Variants in NRXN1 observed in about 807,000 individuals in gnomAD.
The protein encoded by NRXN1 is neurexin 1.
NRXN1 carries 39 observed loss-of-function variants against 150.9 expected under a neutral mutation model. That is an observed-to-expected ratio of 0.26 (90% CI 0.20 to 0.34). The LOEUF is 0.34. Among genes scored for constraint, NRXN1 ranks in the 10% least tolerant of loss-of-function variants. NRXN1 has a pLI of 1.00. For missense variants in NRXN1, 1,815 were observed against 1,949.9 expected, an observed-to-expected ratio of 0.93 and a Z score of 1.30; for synonymous variants, 924 against 757.0, an observed-to-expected ratio of 1.22 and a Z score of -3.62.
At chr2:50,278,255 T>TATAATATA (rs1491158433) in intron 17 of NRXN1, among the ~76,000 whole-genome samples, 1 of 112,572 alleles carries the variant, frequency 8.9e-6, no homozygotes, top group Non-Finnish European at 1.7e-5. Flanking sequence ...TATATATATA[T>TATAATATA]TATATATATT....
chr2:50,538,135 A>G, intron 10 of NRXN1, 118 bp downstream of exon 10: 1 of 1,180,908 alleles, frequency 8.5e-7, no homozygotes. Flanking sequence ...TCAGCTTGCA[A>G]ACAGAGTTTA....
chr2:50,652,195 C>A (rs1685741622), intron 5 of NRXN1, among the ~76,000 whole-genome samples: 2 of 152,068 alleles, frequency 1.3e-5, no homozygotes, highest in African/African-American at 4.8e-5. Flanking sequence ...TACCTCCAGG[C>A]TTCTATATTC....
chr2:50,079,388 G>A (rs900114058), intron 19 of NRXN1, among the ~76,000 whole-genome samples: 3 of 152,000 alleles, frequency 2.0e-5, no homozygotes, highest in Middle Eastern at 3.4e-3. Flanking sequence ...AGCTATTGTT[G>A]CTTTTGAGCT....
At chr2:50,212,191 G>C (rs984100903) in intron 18 of NRXN1, among the ~76,000 whole-genome samples, 2 of 149,564 alleles carry the variant, frequency 1.3e-5, no homozygotes, top group Non-Finnish European at 3.0e-5. Context: ...TCTTTTTTCA[G>C]TTTTAAATTC....
intron 18 of NRXN1, among the ~76,000 whole-genome samples, chr2:50,181,044 T>C (rs572164317): frequency 6.6e-6 from 1 of 152,246 alleles, no homozygotes; most frequent in South Asian, 2.1e-4. Flanking sequence ...TATTTATAAT[T>C]ACAATAATTT....
chr2:50,080,558 G>T (rs1305220179), intron 19 of NRXN1, among the ~76,000 whole-genome samples: 1 of 152,068 alleles, frequency 6.6e-6, no homozygotes, highest in Non-Finnish European at 1.5e-5. Flanking sequence ...TTCACTGAGA[G>T]ACCTTTCCAA....
rs565873350 is a variant in NRXN1, at chr2:50,705,734, C to T, written c.833-82119G>A. 2.0e-5 allele frequency among the ~76,000 whole-genome samples: 3 copies of T among 152,252 alleles called. No homozygotes were observed. The South Asian group carries it at 6.2e-4, about 32-fold the overall frequency. ...ATTTCCTTCTAAGTACTTCCATCCA[C>T]ACAAGTGAAATGCTGTTGCTGCCCC... is the stretch of plus-strand genomic sequence containing the variant. On this transcript the variant is annotated intron_variant, in intron 5 of 22. Coordinates refer to ENST00000401669, the MANE Select transcript of NRXN1 (RefSeq NM_001330078.2).
chr2:49,941,746 A>G (rs13022108), intron 22 of NRXN1, among the ~76,000 whole-genome samples: 32,731 of 152,040 alleles, frequency 0.22, 3,764 homozygotes, highest in East Asian at 0.3. Context: ...ACACTAATTG[A>G]GAAAACAAAA....
At chr2:50,889,690 T>C (rs538768996) in intron 5 of NRXN1, among the ~76,000 whole-genome samples, 2 of 151,844 alleles carry the variant, frequency 1.3e-5, no homozygotes, top group African/African-American at 4.8e-5. Context: ...CATTTAAATA[T>C]AGAATAAGAC....
At chr2:50,700,873 A>G (rs1187423688) in intron 5 of NRXN1, among the ~76,000 whole-genome samples, 1 of 150,054 alleles carries the variant, frequency 6.7e-6, no homozygotes, top group Non-Finnish European at 1.5e-5. Context: ...TCACCGTGTT[A>G]GCCAGGATGG....
intron 2 of NRXN1, among the ~76,000 whole-genome samples, chr2:51,012,220 G>C (rs981321226): frequency 2.0e-5 from 3 of 151,858 alleles, no homozygotes; most frequent in African/African-American, 4.8e-5. Context: ...TTAATCTAAA[G>C]TCTTTTTTTA....
intron 18 of NRXN1, among the ~76,000 whole-genome samples, chr2:50,110,323 T>C (rs1279083373): frequency 1.3e-5 from 2 of 151,644 alleles, no homozygotes; most frequent in Non-Finnish European, 2.9e-5. Context: ...ACCGCGTCTC[T>C]ACTAAAAATA....
At chr2:49,950,990 G>A (rs944246423) in intron 21 of NRXN1, among the ~76,000 whole-genome samples, 8 of 151,838 alleles carry the variant, frequency 5.3e-5, no homozygotes, top group African/African-American at 1.9e-4. Flanking sequence ...AATTTTCTTC[G>A]AATTTTTTTC....
At chr2:50,205,629 C>T (rs911269175) in intron 18 of NRXN1, among the ~76,000 whole-genome samples, 2 of 152,076 alleles carry the variant, frequency 1.3e-5, no homozygotes, top group African/African-American at 2.4e-5. Flanking sequence ...CAGCTAAGCA[C>T]TTTCCACACA....
rs143802016 is a variant in NRXN1, at chr2:50,822,905, T to C, written c.832+98964A>G. ...TTACAAAGTTATTGTTTATACATTG[T>C]AATGAATTAATCTGATTGAATCTCT... On this transcript the variant is annotated intron_variant, in intron 5 of 22. Transcript: ENST00000401669. Among the ~76,000 whole-genome samples the C allele has an allele frequency of 2.2e-3, 340 of 152,322 alleles. 3 individuals are homozygous for C. The highest frequency in any genetic ancestry group is 7.8e-3 in the African/African-American group (326 of 41,582).
At chr2:50,094,440 A>G (rs1485403770) in intron 18 of NRXN1, among the ~76,000 whole-genome samples, 3 of 152,190 alleles carry the variant, frequency 2.0e-5, no homozygotes, top group South Asian at 4.1e-4. Flanking sequence ...TCTCAAGTGC[A>G]GGAGAAAGGG....
intron 17 of NRXN1, among the ~76,000 whole-genome samples, chr2:50,446,385 T>C (rs2086403345): frequency 6.9e-6 from 1 of 144,596 alleles, no homozygotes; most frequent in Non-Finnish European, 1.5e-5. Context: ...CTTCCTTCCT[T>C]TCCTATCTCC....
intron 15 of NRXN1, among the ~76,000 whole-genome samples, 182 bp downstream of exon 15, chr2:50,495,723 T>G (rs1415466410): frequency 1.3e-5 from 2 of 152,138 alleles, no homozygotes; most frequent in Non-Finnish European, 2.9e-5. Context: ...TAAAAATACA[T>G]AGGTTCCTAC....
At chr2:51,021,823 A>G (rs1322771513) in intron 2 of NRXN1, among the ~76,000 whole-genome samples, 3 of 152,090 alleles carry the variant, frequency 2.0e-5, no homozygotes, top group South Asian at 4.1e-4. Context: ...CTATTAATAT[A>G]GTAAAAATCA....
Sources: gnomAD v4.1 joint callset for allele counts (sites outside exome capture counted in the v4.1 genomes callset) on GRCh38, gnomAD v4.1.1 for gene constraint, MANE v1.5 for transcripts, NCBI Gene and HGNC (gene_info 2026-07-23, HGNC 2026-07-21) for gene names.